Variants in MGAT5 observed in about 807,000 individuals in gnomAD.
MGAT5 encodes alpha-1,6-mannosylglycoprotein 6-beta-N-acetylglucosaminyltransferase A.
A neutral mutation model predicts 94.3 loss-of-function variants in MGAT5; 30 were observed. The ratio of observed to expected loss-of-function variants is 0.32; its 90% CI spans 0.24 to 0.43. The LOEUF (loss-of-function observed/expected upper bound fraction) is 0.43. Among genes scored for constraint, MGAT5 ranks in the 20% least tolerant of loss-of-function variants. The pLI is 1.00. For synonymous variants in MGAT5, 310 were observed against 322.9 expected (o/e 0.96, Z 0.43); for missense variants, 691 against 905.5 (o/e 0.76, Z 3.04).
At chr2:134,162,126 G>A (rs1687765427) in intron 1 of MGAT5, among the ~76,000 whole-genome samples, 1 of 151,984 alleles carries the variant, frequency 6.6e-6, no homozygotes, top group Non-Finnish European at 1.5e-5. Flanking sequence ...GGAAGTGGAG[G>A]TTGCAGTGAG....
At chr2:134,304,985 G>A (rs1686243005) in intron 2 of MGAT5, among the ~76,000 whole-genome samples, 1 of 152,198 alleles carries the variant, frequency 6.6e-6, no homozygotes, top group African/African-American at 2.4e-5. Context: ...ATCAGTCACA[G>A]TAGACTTACA....
At chr2:134,251,451 T>A (rs2105495418), upstream of MGAT5, among the ~76,000 whole-genome samples, 1 of 152,304 alleles carries the variant, frequency 6.6e-6, no homozygotes, top group South Asian at 2.1e-4. Context: ...GGCGACATAT[T>A]CATTTAGCAG....
In MGAT5 at chr2:134,120,398, G is replaced by T. The variant is rs1685509267; in HGVS notation, c.-143+107G>T. 3 of 356,584 alleles carry T rather than the reference G, an allele frequency of 8.4e-6. No individual in the cohort carries two copies. The Admixed American group carries it at 1.4e-4, about 17-fold the overall frequency. The allele number at this position is 356,584 out of a possible 1,614,324, so 22.1% of individuals were successfully genotyped here. On this transcript the variant is annotated intron_variant, in intron 1 of 16. Transcript: ENST00000409645. ...GGGGCACGGGGAACCAGGCGCGGGC[G>T]AGGAGAGCCCGCACCGGGGTCGGCG... is the stretch of plus-strand genomic sequence containing the variant.
chr2:134,338,363 C>T lies in MGAT5; in HGVS notation c.750C>T (p.Ile250=). ...LRIRRMADAW[I]QAIKSLAEKQ... ...TCCGGCGAATGGCTGACGCATGGAT[C>T]CAAGCAATCAAGTCCCTGGCAGAAA... Residue 250 remains isoleucine (I), a synonymous_variant, in exon 6 of 16, where the codon ATC becomes ATT. Transcript: ENST00000281923. 6.2e-7 allele frequency: 1 copy of T among 1,612,614 alleles called. No individual in the cohort carries two copies. Among genetic ancestry groups the T allele is most frequent in the East Asian group, 2.2e-5 (1 of 44,776 alleles).
intron 2 of MGAT5, among the ~76,000 whole-genome samples, chr2:134,309,299 G>A (rs1324174331): frequency 6.6e-6 from 1 of 152,120 alleles, no homozygotes; most frequent in East Asian, 1.9e-4. Flanking sequence ...ACAAATTTTT[G>A]TGTAGTTATG....
In MGAT5 at chr2:134,194,575, T is replaced by G. The variant is rs566999334; in HGVS notation, c.-142-59687T>G. Among the ~76,000 whole-genome samples, 41 of 152,318 alleles carry G rather than the reference T, an allele frequency of 2.7e-4. No individual in the cohort carries two copies. In the South Asian group the frequency reaches 6.2e-3, roughly 23 times the overall value. On this transcript the variant is annotated intron_variant, in intron 1 of 16. Coordinates refer to the MGAT5 transcript ENST00000409645. Reference sequence around the variant, plus strand: ...AAGTGTTCGAATCAATCTAATCTTTTGCTCACACTCTAGGAAACAGATGAT... The same window carrying G: ...AAGTGTTCGAATCAATCTAATCTTTGGCTCACACTCTAGGAAACAGATGAT...
chr2:134,310,808 G>A (rs956340600), intron 2 of MGAT5, among the ~76,000 whole-genome samples: 1 of 152,194 alleles, frequency 6.6e-6, no homozygotes, highest in Non-Finnish European at 1.5e-5. Flanking sequence ...ATCATGGCTG[G>A]CTTCAGTCTG....
chr2:134,360,652 C>A, intron 9 of MGAT5, among the ~76,000 whole-genome samples: 1 of 152,190 alleles, frequency 6.6e-6, no homozygotes, highest in East Asian at 1.9e-4. Flanking sequence ...CATAATAACA[C>A]TGAGAATGCA....
chr2:134,272,494 T>A (rs1684094039), intron 2 of MGAT5, among the ~76,000 whole-genome samples: 2 of 152,202 alleles, frequency 1.3e-5, no homozygotes, highest in Admixed American at 1.3e-4. Context: ...TCATAATTTT[T>A]ACTGGCTAAT....
intron 12 of MGAT5, among the ~76,000 whole-genome samples, chr2:134,414,118 C>A (rs1454351004): frequency 6.7e-6 from 1 of 148,926 alleles, no homozygotes; most frequent in African/African-American, 2.5e-5. Flanking sequence ...GCCCAGATAA[C>A]CTTTGACAAG....
intron 14 of MGAT5, among the ~76,000 whole-genome samples, chr2:134,434,860 G>A (rs756092685): frequency 6.6e-6 from 1 of 152,132 alleles, no homozygotes; most frequent in African/African-American, 2.4e-5. Flanking sequence ...ACTAGACTGC[G>A]CACTGAACCT....
At chr2:134,179,303 G>A (rs998548740) in intron 1 of MGAT5, among the ~76,000 whole-genome samples, 1 of 152,130 alleles carries the variant, frequency 6.6e-6, no homozygotes, top group Non-Finnish European at 1.5e-5. Context: ...GAGAAAATAC[G>A]TTTGCTAGAT....
At chr2:134,162,581 A>G (rs183266444) in intron 1 of MGAT5, among the ~76,000 whole-genome samples, 16 of 152,346 alleles carry the variant, frequency 1.1e-4, no homozygotes, top group Admixed American at 9.8e-4. Context: ...CAGCTAAGTG[A>G]TGAGTGACTT....
intron 1 of MGAT5, among the ~76,000 whole-genome samples, chr2:134,144,139 C>T (rs996341684): frequency 6.6e-6 from 1 of 152,144 alleles, no homozygotes; most frequent in Non-Finnish European, 1.5e-5. Context: ...GCATCAAGGT[C>T]ACTGGATTAG....
At chr2:134,290,826 G>A (rs1283697490) in intron 2 of MGAT5, among the ~76,000 whole-genome samples, 1 of 152,062 alleles carries the variant, frequency 6.6e-6, no homozygotes, top group Non-Finnish European at 1.5e-5. Context: ...AATTTACAAA[G>A]CATGGTGGAA....
chr2:134,170,855 C>CTTTTTTTTTTTTTTTTT (rs112717170), intron 1 of MGAT5, among the ~76,000 whole-genome samples: 1 of 145,846 alleles, frequency 6.9e-6, no homozygotes, highest in African/African-American at 2.5e-5. Context: ...GATCTCTACT[C>CTTTTTTTTTTTTTTTTT]TTTTTTTTTT....
chr2:134,206,163 T>A (rs557002532), intron 1 of MGAT5, among the ~76,000 whole-genome samples: 2 of 152,288 alleles, frequency 1.3e-5, no homozygotes, highest in South Asian at 4.1e-4. Context: ...GTCAGTTCCT[T>A]TTTTCCCCTA....
chr2:134,167,790 ATGTCT>A (rs1688028002), intron 1 of MGAT5, among the ~76,000 whole-genome samples: 1 of 152,232 alleles, frequency 6.6e-6, no homozygotes, highest in East Asian at 1.9e-4. Flanking sequence ...TGGTTTCATC[ATGTCT>A]TGGTTAAAAT....
chr2:134,393,999 G>A (rs1371984458), intron 10 of MGAT5, among the ~76,000 whole-genome samples: 1 of 152,148 alleles, frequency 6.6e-6, no homozygotes, highest in Non-Finnish European at 1.5e-5. Context: ...GGAAGGTAAG[G>A]CCCTTGGGAT....
Sources: allele counts gnomAD v4.1 joint callset (sites outside exome capture counted in the v4.1 genomes callset), GRCh38; gene constraint gnomAD v4.1.1; transcripts MANE v1.5; gene names NCBI Gene and HGNC (gene_info 2026-07-23, HGNC 2026-07-21).